EFEMP1: variants seen among roughly 807,000 people sequenced by gnomAD.
EFEMP1 encodes the protein EGF-like fibulin extracellular matrix protein 1, also known as EGF-containing fibulin-like extracellular matrix protein 1.
Under a neutral mutation model 65.7 loss-of-function variants are expected in EFEMP1, and 18 were observed. The ratio of observed to expected loss-of-function variants is 0.27; its 90% CI spans 0.19 to 0.41. EFEMP1 has a LOEUF of 0.41. Among genes scored for constraint, EFEMP1 ranks in the 10% least tolerant of loss-of-function variants. The pLI is 1.00. For synonymous variants in EFEMP1, 237 were observed against 219.7 expected, an observed-to-expected ratio of 1.08 and a Z score of -0.70; for missense variants, 469 against 624.8, an observed-to-expected ratio of 0.75 and a Z score of 2.66.
chr2:55,920,344 T>G (rs1055732419), intron 3 of EFEMP1, among the ~76,000 whole-genome samples: 1 of 152,252 alleles, frequency 6.6e-6, no homozygotes, highest in Non-Finnish European at 1.5e-5. Flanking sequence ...TTGTCCTTGC[T>G]TAGGAACTTT....
intron 3 of EFEMP1, 43 bp from the exon 4 acceptor site, chr2:55,918,310 T>G (rs1188393824): frequency 6.2e-7 from 1 of 1,607,088 alleles, no homozygotes; most frequent in South Asian, 1.1e-5. Flanking sequence ...GACAGTTAAT[T>G]GGTGTGTCCA....
rs545885725 is a variant in EFEMP1, at chr2:55,872,340, C to T, written c.1001-1217G>A. Among the ~76,000 whole-genome samples, 364 of 152,156 alleles carry T rather than the reference C, an allele frequency of 2.4e-3. 2 individuals carry two copies. The highest frequency in any genetic ancestry group is 7.7e-3 in the African/African-American group (320 of 41,526). ...TGTTCTTTTTTAAGGGCCTTTATTG[C>T]TTTCTGCTTTGCATTATTGCAATCT... On this transcript the variant is annotated intron_variant, in intron 9 of 11. Transcript: ENST00000355426.
chr2:55,912,157 T>A (rs1437772950), intron 5 of EFEMP1, among the ~76,000 whole-genome samples: 2 of 152,192 alleles, frequency 1.3e-5, no homozygotes, highest in Non-Finnish European at 2.9e-5. Flanking sequence ...TACTTTTTTT[T>A]AAGGTTAACA....
chr2:55,911,463 AGTTATAT>A (rs1259987826), intron 5 of EFEMP1, among the ~76,000 whole-genome samples: 1 of 152,000 alleles, frequency 6.6e-6, no homozygotes. Flanking sequence ...AACAATATAT[AGTTATAT>A]GTTATATAAC....
Position 55,885,961 on chromosome 2 carries a change from A to G in EFEMP1, c.518-4227T>C, listed in dbSNP as rs975328179. ...TGCAATGTTCTTTCCATAATTTGAT[A>G]ACTTACCACAACATGGAGTCCCTTT... On this transcript the variant is annotated intron_variant, in intron 5 of 11. Coordinates refer to ENST00000355426, the MANE Select transcript of EFEMP1 (RefSeq NM_001039348.3). This position sits in a 1 kb window ranked among gnomAD's most constrained non-coding sequence, Gnocchi z 4.3. Among the ~76,000 whole-genome samples the G allele has an allele frequency of 2.6e-5, 4 of 152,166 alleles. No homozygotes were observed. The highest frequency in any genetic ancestry group is 7.2e-5 in the African/African-American group (3 of 41,440).
intron 9 of EFEMP1, among the ~76,000 whole-genome samples, chr2:55,872,174 T>C (rs1021616123): frequency 6.6e-6 from 1 of 152,162 alleles, no homozygotes; most frequent in Non-Finnish European, 1.5e-5. Context: ...ATGTAAACTT[T>C]TTCTGAATCA....
At chr2:55,895,731 C>T (rs1032813845) in intron 5 of EFEMP1, among the ~76,000 whole-genome samples, 2 of 151,538 alleles carry the variant, frequency 1.3e-5, no homozygotes, top group Non-Finnish European at 2.9e-5. Flanking sequence ...TTAGTAGAGA[C>T]GGGGTTTCAC....
intron 5 of EFEMP1, among the ~76,000 whole-genome samples, chr2:55,914,532 C>G (rs1670604151): frequency 6.6e-6 from 1 of 152,012 alleles, no homozygotes; most frequent in Non-Finnish European, 1.5e-5. Flanking sequence ...TATTTAGAAG[C>G]CATCTGTGAC....
chr2:55,882,932 C>T (rs1412450190), intron 5 of EFEMP1, among the ~76,000 whole-genome samples: 1 of 152,098 alleles, frequency 6.6e-6, no homozygotes, highest in Non-Finnish European at 1.5e-5. Context: ...TGTCTTCCCT[C>T]TAAGAATCTC....
intron 5 of EFEMP1, among the ~76,000 whole-genome samples, chr2:55,907,692 G>T (rs1430197): frequency 6.6e-6 from 1 of 151,972 alleles, no homozygotes; most frequent in Non-Finnish European, 1.5e-5. Flanking sequence ...TCCCTAACCC[G>T]GGTTGTGACA....
At chr2:55,893,442 G>C (rs1261743480) in intron 5 of EFEMP1, among the ~76,000 whole-genome samples, 2 of 152,138 alleles carry the variant, frequency 1.3e-5, no homozygotes, top group African/African-American at 2.4e-5. Context: ...GGGTGGGTAA[G>C]ATCACAGGTT....
chr2:55,910,822 G>T (rs1009726935), intron 5 of EFEMP1, among the ~76,000 whole-genome samples: 8 of 152,138 alleles, frequency 5.3e-5, no homozygotes, highest in Non-Finnish European at 1.0e-4. Flanking sequence ...GAAAGAGATG[G>T]TTAGCTGTGC....
chr2:55,876,750 A>G lies in EFEMP1; in HGVS notation c.761-8T>C, dbSNP rs752091023. 7.8e-5 allele frequency: 122 copies of G among 1,558,906 alleles called. No individual in the cohort carries two copies. Among genetic ancestry groups the G allele is most frequent in the Non-Finnish European group, 1.1e-4 (120 of 1,141,296 alleles). On this transcript the variant is annotated splice_region_variant and splice_polypyrimidine_tract_variant and intron_variant, in intron 7 of 11. Transcript: ENST00000355426. ...CATCACATTCATTTATATCTGAAAA[A>G]AAGTTTTATATATATATATATGTAT...
rs888280548 is a variant in EFEMP1, at chr2:55,922,338, T to G, written c.81+22A>C. The G allele has an allele frequency of 5.0e-5, 80 of 1,611,512 alleles. No homozygotes were observed. Among genetic ancestry groups the G allele is most frequent in the Non-Finnish European group, 6.6e-5 (78 of 1,177,726 alleles). On this transcript the variant is annotated intron_variant, in intron 3 of 11. Coordinates refer to ENST00000355426, the MANE Select transcript of EFEMP1 (RefSeq NM_001039348.3). The surrounding 1 kb of genome is among the most constrained non-coding windows in gnomAD (Gnocchi z 5.5). ...CAGAATCCCGCTGAACCGTACTTAT[T>G]TCAAATTCCATCACCCCTTACCGTG... is the stretch of plus-strand genomic sequence containing the variant.
intron 5 of EFEMP1, among the ~76,000 whole-genome samples, chr2:55,901,164 A>G (rs1015393087): frequency 6.6e-6 from 1 of 152,210 alleles, no homozygotes; most frequent in Non-Finnish European, 1.5e-5. Flanking sequence ...AGAGATGGAG[A>G]ATGTGATATC....
At chr2:55,892,741 AG>A in intron 5 of EFEMP1, among the ~76,000 whole-genome samples, 1 of 152,282 alleles carries the variant, frequency 6.6e-6, no homozygotes, top group East Asian at 1.9e-4. Flanking sequence ...GTACAAAGGC[AG>A]GTAGACCCAA....
At chr2:55,894,013 TCAAAA>T (rs1486345796) in intron 5 of EFEMP1, among the ~76,000 whole-genome samples, 26 of 152,122 alleles carry the variant, frequency 1.7e-4, no homozygotes, top group Admixed American at 1.5e-3. Context: ...ACAAAATCTG[TCAAAA>T]CAAAACAAAT....
chr2:55,908,617 A>G (rs1022645630), intron 5 of EFEMP1, among the ~76,000 whole-genome samples: 1 of 152,188 alleles, frequency 6.6e-6, no homozygotes, highest in African/African-American at 2.4e-5. Context: ...AAGTGAAGTA[A>G]TGGTTATGTT....
Position 55,910,049 on chromosome 2 carries a change from T to C in EFEMP1, c.517+7616A>G, listed in dbSNP as rs1177445453. ...GATAGATGTACAATCATTTGAAAGGTAGTTGAACTTTTAGAATTTGACTTA... is the reference window on the plus strand; with the variant it reads ...GATAGATGTACAATCATTTGAAAGGCAGTTGAACTTTTAGAATTTGACTTA... On this transcript the variant is annotated intron_variant, in intron 5 of 11. Coordinates refer to ENST00000355426, the MANE Select transcript of EFEMP1 (RefSeq NM_001039348.3). Among the ~76,000 whole-genome samples, 7 of 152,330 alleles carry C rather than the reference T, an allele frequency of 4.6e-5. No individual in the cohort carries two copies. The East Asian group carries it at 7.7e-4, about 17-fold the overall frequency.
Sources: allele counts gnomAD v4.1 joint callset (sites outside exome capture counted in the v4.1 genomes callset), GRCh38; gene constraint gnomAD v4.1.1; non-coding constraint Gnocchi (gnomAD v3.1); transcripts MANE v1.5; gene names NCBI Gene and HGNC (gene_info 2026-07-23, HGNC 2026-07-21).